Variants in KDM6A observed in about 807,000 individuals in gnomAD.
KDM6A encodes lysine-specific demethylase 6A.
Under a neutral mutation model 117.6 loss-of-function variants are expected in KDM6A, and 11 were observed. The ratio of observed to expected loss-of-function variants is 0.09; its 90% CI spans 0.06 to 0.15. The LOEUF is 0.15. Among genes scored for constraint, KDM6A ranks in the 10% least tolerant of loss-of-function variants. The pLI is 1.00. For synonymous variants in KDM6A, 384 were observed against 396.1 expected (o/e 0.97, Z 0.36); for missense variants, 799 against 1,077.3 (o/e 0.74, Z 3.62).
At chrX:45,080,214 G>A (rs2045338425) in intron 21 of KDM6A, among the ~76,000 whole-genome samples, 1 of 110,710 alleles carries the variant, frequency 9.0e-6, no homozygotes, top group Non-Finnish European at 1.9e-5. Context: ...TTTTTCTTTA[G>A]TGCTATCTCA....
chrX:44,978,050 TTTC>T (rs748321510), intron 4 of KDM6A, among the ~76,000 whole-genome samples: 1 of 112,527 alleles, frequency 8.9e-6, no homozygotes, highest in African/African-American at 3.2e-5. Flanking sequence ...GTGCAGAAGT[TTTC>T]TATTTCTGTG....
Position 44,928,394 on chromosome X carries a change from C to A in KDM6A, c.226-32890C>A, listed in dbSNP as rs182184745. 2.7e-5 allele frequency among the ~76,000 whole-genome samples: 3 copies of A among 111,915 alleles called. No individual in the cohort carries two copies. The East Asian group carries it at 8.3e-4, about 31-fold the overall frequency. On this transcript the variant is annotated intron_variant, in intron 2 of 29. Transcript: ENST00000611820. The stretch of plus-strand genomic sequence containing the variant: ...TCCTTGTACTATCTTTTCAACTTTT[C>A]TGATGGCTTGATATTTTTCAAAATT...
intron 2 of KDM6A, among the ~76,000 whole-genome samples, chrX:44,883,181 G>T (rs2032479744): frequency 9.2e-6 from 1 of 108,294 alleles, no homozygotes; most frequent in Admixed American, 1.0e-4. Context: ...CAATTCTCCT[G>T]TCTCAGCCTC....
rs766496358 is a variant in KDM6A, at chrX:45,062,542, G to C, written c.1582-105G>C. On this transcript the variant is annotated intron_variant, in intron 15 of 29. Coordinates refer to ENST00000611820, the MANE Select transcript of KDM6A (RefSeq NM_001291415.2). The stretch of plus-strand genomic sequence containing the variant: ...GGTCAGAAGACAGTGTGTTTGACCA[G>C]ATAGTGGTTCTGAGTTTAGTCATTT... 9.8e-5 allele frequency: 54 copies of C among 553,215 alleles called. No homozygotes were observed. In the African/African-American group the frequency reaches 1.0e-3, roughly 11 times the overall value. 45.6% of individuals were successfully genotyped at this position (553,215 alleles called of 1,213,427 possible). A position where few individuals can be genotyped will look rare whatever the true frequency, so the allele number is the denominator to read the frequency against.
rs190632689 is a variant in KDM6A at position 44,886,270 on chromosome X, G to A, written c.225+12283G>A. 2.8e-4 allele frequency among the ~76,000 whole-genome samples: 31 copies of A among 110,027 alleles called. No individual in the cohort carries two copies. The East Asian group carries it at 7.9e-3, about 28-fold the overall frequency. On this transcript the variant is annotated intron_variant, in intron 2 of 29. Transcript: ENST00000611820. ...TCACTGTATTGGTCAGGCTGGTCTCGAACCCCTGACCTTGTGATCCGCCCG... is the reference window on the plus strand; with the variant it reads ...TCACTGTATTGGTCAGGCTGGTCTCAAACCCCTGACCTTGTGATCCGCCCG...
At chrX:45,048,143 C>T (rs1433731676) in intron 8 of KDM6A, among the ~76,000 whole-genome samples, 3 of 78,457 alleles carry the variant, frequency 3.8e-5, no homozygotes, top group African/African-American at 5.7e-5. Flanking sequence ...CTGGGCGACA[C>T]AGTGAAAGTG....
intron 7 of KDM6A, among the ~76,000 whole-genome samples, chrX:45,035,951 G>A (rs754090660): frequency 1.4e-4 from 16 of 110,935 alleles, no homozygotes; most frequent in Non-Finnish European, 2.3e-4. Context: ...CTCCCACCTC[G>A]GCCTCCCAAA....
chrX:44,927,330 A>G (rs1177560679), intron 2 of KDM6A, among the ~76,000 whole-genome samples: 2 of 111,133 alleles, frequency 1.8e-5, no homozygotes, highest in Non-Finnish European at 3.8e-5. Context: ...TGCAAAACCC[A>G]TTGATACGGA....
chrX:44,913,796 C>T (rs982787020), intron 2 of KDM6A, among the ~76,000 whole-genome samples: 1 of 110,674 alleles, frequency 9.0e-6, no homozygotes, highest in Admixed American at 9.6e-5. Context: ...TATCAGCTGT[C>T]CTAGCTTGCT....
intron 2 of KDM6A, among the ~76,000 whole-genome samples, chrX:44,912,486 A>C (rs771688435): frequency 1.8e-5 from 2 of 112,270 alleles, no homozygotes; most frequent in South Asian, 7.4e-4. Context: ...TACACAACAC[A>C]CGTATGTTTT....
chrX:45,041,718 G>A (rs1276184223), intron 8 of KDM6A, among the ~76,000 whole-genome samples: 5 of 101,206 alleles, frequency 4.9e-5, no homozygotes, highest in East Asian at 3.3e-4. Context: ...GGCGCTCCTC[G>A]CTTCCTAGAT....
At chrX:44,913,756 A>G (rs1268132913) in intron 2 of KDM6A, among the ~76,000 whole-genome samples, 3 of 110,541 alleles carry the variant, frequency 2.7e-5, no homozygotes, top group South Asian at 3.8e-4. Context: ...ATATATATAT[A>G]TATGTATACG....
At chrX:44,932,180 C>A (rs1360161645) in intron 2 of KDM6A, among the ~76,000 whole-genome samples, 2 of 96,878 alleles carry the variant, frequency 2.1e-5, no homozygotes, top group Non-Finnish European at 4.1e-5. Context: ...CTGCAACCTC[C>A]ACCTCCCAGG....
At chrX:44,988,348 G>C (rs2040365738) in intron 4 of KDM6A, among the ~76,000 whole-genome samples, 2 of 110,408 alleles carry the variant, frequency 1.8e-5, no homozygotes, top group South Asian at 7.7e-4. Flanking sequence ...CTTTGCCAGG[G>C]GTTCGAACTT....
chrX:45,029,403 A>T (rs2042510431), intron 6 of KDM6A, among the ~76,000 whole-genome samples: 2 of 110,750 alleles, frequency 1.8e-5, no homozygotes, highest in Non-Finnish European at 3.8e-5. Context: ...CATTGCCCTC[A>T]GCCTGGGCAA....
chrX:44,883,235 C>T (rs2032484540), intron 2 of KDM6A, among the ~76,000 whole-genome samples: 1 of 109,083 alleles, frequency 9.2e-6, no homozygotes, highest in African/African-American at 3.4e-5. Flanking sequence ...AGCCTGGCTA[C>T]TTTTTTGTAT....
intron 3 of KDM6A, among the ~76,000 whole-genome samples, chrX:44,969,695 C>CCACTGTAATCCCA (rs1379285950): frequency 5.4e-5 from 6 of 111,180 alleles, no homozygotes; most frequent in Non-Finnish European, 1.1e-4. Flanking sequence ...GGATTACAGG[C>CCACTGTAATCCCA]GTGAGCCACT....
At chrX:45,073,914 A>T (rs2044985688) in intron 18 of KDM6A, among the ~76,000 whole-genome samples, 1 of 111,632 alleles carries the variant, frequency 9.0e-6, no homozygotes, top group Non-Finnish European at 1.9e-5. Context: ...TTTTGTTGCC[A>T]TTGCTTTTGG....
At chrX:44,925,253 G>A (rs1030614847) in intron 2 of KDM6A, among the ~76,000 whole-genome samples, 1 of 110,975 alleles carries the variant, frequency 9.0e-6, no homozygotes, top group Non-Finnish European at 1.9e-5. Flanking sequence ...CAGATTCCCA[G>A]TCCATTTTTG....
Sources: allele counts gnomAD v4.1 joint callset (sites outside exome capture counted in the v4.1 genomes callset), GRCh38; gene constraint gnomAD v4.1.1; transcripts MANE v1.5; gene names NCBI Gene and HGNC (gene_info 2026-07-23, HGNC 2026-07-21).